The following WDR27 variants were observed in gnomAD, a reference collection of about 807,000 sequenced individuals.
WDR27 encodes the protein WD repeat-containing protein 27.
Under a neutral mutation model 114.4 loss-of-function variants are expected in WDR27, and 100 were observed. The observed-to-expected ratio is 0.87, with a 90% CI of 0.74 to 1.03. The LOEUF is 1.03. WDR27 is among the 50% of genes least tolerant of loss of function. The pLI is 0.00. For missense variants in WDR27, 1,129 were observed against 1,092.9 expected, an observed-to-expected ratio of 1.03 and a Z score of -0.47; for synonymous variants, 449 against 423.1, an observed-to-expected ratio of 1.06 and a Z score of -0.75.
At chr6:169,577,100 A>T (rs1247673342) in intron 24 of WDR27, among the ~76,000 whole-genome samples, 2 of 150,806 alleles carry the variant, frequency 1.3e-5, no homozygotes, top group African/African-American at 4.9e-5. Context: ...AAAAAAAAAG[A>T]GTTACGTGGG....
chr6:169,461,519 T>A (rs2115269981), intron 25 of WDR27, among the ~76,000 whole-genome samples: 1 of 150,884 alleles, frequency 6.6e-6, no homozygotes, highest in Admixed American at 6.6e-5. Context: ...TACCAAGGGA[T>A]CAAAGAAGAA....
chr6:169,568,436 G>A (rs1800847878), intron 25 of WDR27, among the ~76,000 whole-genome samples: 1 of 152,124 alleles, frequency 6.6e-6, no homozygotes, highest in South Asian at 2.1e-4. Context: ...AGACAGCCAT[G>A]CCCAGGGAGT....
chr6:169,457,920 C>G (rs529996653), intron 25 of WDR27, among the ~76,000 whole-genome samples: 1 of 150,022 alleles, frequency 6.7e-6, no homozygotes, highest in African/African-American at 2.5e-5. Context: ...TTAGCGCCTA[C>G]ACACCTCCTT....
At chr6:169,565,922 G>C (rs116804246) in intron 25 of WDR27, among the ~76,000 whole-genome samples, 2,464 of 152,244 alleles carry the variant, frequency 0.016, 63 homozygotes, top group African/African-American at 0.057. Flanking sequence ...GGGATTACAG[G>C]CGTGAGCCAC....
intron 23 of WDR27, among the ~76,000 whole-genome samples, chr6:169,599,654 CTTCT>C (rs1167377569): frequency 2.6e-5 from 4 of 151,976 alleles, no homozygotes; most frequent in African/African-American, 9.7e-5. Context: ...TCTCTCTTTT[CTTCT>C]TTATTAGTCC....
chr6:169,584,899 G>T (rs1454132617), intron 23 of WDR27, among the ~76,000 whole-genome samples: 1 of 152,156 alleles, frequency 6.6e-6, no homozygotes, highest in Admixed American at 6.5e-5. Context: ...CATCACACTT[G>T]ATTTAAGATT....
intron 2 of WDR27, among the ~76,000 whole-genome samples, chr6:169,678,463 T>C (rs543480699): frequency 6.6e-5 from 10 of 152,338 alleles, no homozygotes; most frequent in African/African-American, 9.6e-5. Context: ...CCTTTGTATA[T>C]TGGGAGTAAA....
At chr6:169,595,783 C>CT (rs869078317) in intron 23 of WDR27, among the ~76,000 whole-genome samples, 19 of 52,006 alleles carry the variant, frequency 3.7e-4, no homozygotes, top group Admixed American at 1.6e-3. Context: ...TTTTATACAG[C>CT]TTTATTTTTT....
At chr6:169,454,093 C>T (rs1234117069), downstream of WDR27, among the ~76,000 whole-genome samples, 2 of 152,056 alleles carry the variant, frequency 1.3e-5, no homozygotes, top group Non-Finnish European at 2.9e-5. Context: ...TTCCTAATGA[C>T]GACCTGAATC....
intron 2 of WDR27, among the ~76,000 whole-genome samples, chr6:169,679,055 C>G (rs1474478895): frequency 6.6e-6 from 1 of 151,016 alleles, no homozygotes; most frequent in Non-Finnish European, 1.5e-5. Context: ...GATCTCAGAT[C>G]TTTAGATAAA....
the WDR27 span, among the ~76,000 whole-genome samples, chr6:169,448,540 G>A: frequency 6.6e-6 from 1 of 152,156 alleles, no homozygotes; most frequent in African/African-American, 2.4e-5. Flanking sequence ...ACAGAAGCCC[G>A]AAATAGCTGT....
chr6:169,659,611 A>G lies in WDR27; in HGVS notation c.1130-93T>C, dbSNP rs1825402571. 9 of 1,207,880 alleles carry G rather than the reference A, an allele frequency of 7.5e-6. No homozygotes were observed. The highest frequency in any genetic ancestry group is 1.1e-5 in the Non-Finnish European group (9 of 842,740). 74.8% of individuals were successfully genotyped at this position (1,207,880 alleles called of 1,614,324 possible). A position where few individuals can be genotyped will look rare whatever the true frequency, so the allele number is the denominator to read the frequency against. ...GCCCAGAGCCCACCACACACAGCCC[A>G]GAGCCCACCACACACAGTCCAGGCC... On this transcript the variant is annotated intron_variant, in intron 10 of 25. Transcript: ENST00000448612. This position sits in a 1 kb window ranked among gnomAD's most constrained non-coding sequence, Gnocchi z 4.3.
At chr6:169,690,434 AGCAC>A (rs1347017271) in intron 1 of WDR27, among the ~76,000 whole-genome samples, 1 of 152,166 alleles carries the variant, frequency 6.6e-6, no homozygotes, top group African/African-American at 2.4e-5. Context: ...TTACTGCCTC[AGCAC>A]GCACACTTTA....
chr6:169,478,722 A>G (rs147405091), intron 25 of WDR27, among the ~76,000 whole-genome samples: 1 of 152,326 alleles, frequency 6.6e-6, no homozygotes, highest in African/African-American at 2.4e-5. Flanking sequence ...AGACACATAG[A>G]CCAATACAAC....
At chr6:169,512,303 A>G (rs1055093546) in intron 25 of WDR27, among the ~76,000 whole-genome samples, 2 of 152,150 alleles carry the variant, frequency 1.3e-5, no homozygotes, top group Non-Finnish European at 2.9e-5. Flanking sequence ...TCAAAAATCC[A>G]ATACTTTGAT....
chr6:169,660,309 C>T (rs1825714903), intron 10 of WDR27, among the ~76,000 whole-genome samples: 1 of 152,122 alleles, frequency 6.6e-6, no homozygotes, highest in South Asian at 2.1e-4. Context: ...GCTGTGCGAG[C>T]CTGGGGCTCT....
At chr6:169,639,020 G>A (rs552257437) in intron 17 of WDR27, among the ~76,000 whole-genome samples, 6 of 130,284 alleles carry the variant, frequency 4.6e-5, no homozygotes, top group Admixed American at 8.9e-5. Context: ...TGGATACTGC[G>A]TGGTGCTGGG....
chr6:169,464,557 A>T (rs972882487), intron 25 of WDR27, among the ~76,000 whole-genome samples: 1 of 152,210 alleles, frequency 6.6e-6, no homozygotes, highest in Admixed American at 6.5e-5. Flanking sequence ...GTTTGTGCAT[A>T]AAAAGGTACT....
At position 169,661,067 on chromosome 6, in the gene WDR27, G is replaced by A. The variant is rs986134649; in HGVS notation, c.1026-301C>T. On this transcript the variant is annotated intron_variant, in intron 9 of 25. Transcript: ENST00000448612. ...TGAGCTCTCCGCAGGAGTGGAGAGCGTGGGCCGGGGCAGGTTCTTGCCAGT... is the reference window on the plus strand; with the variant it reads ...TGAGCTCTCCGCAGGAGTGGAGAGCATGGGCCGGGGCAGGTTCTTGCCAGT... Among the ~76,000 whole-genome samples, 9 of 152,332 alleles carry A rather than the reference G, an allele frequency of 5.9e-5. No individual in the cohort carries two copies. The South Asian group carries it at 6.2e-4, about 11-fold the overall frequency.
Sources: allele counts gnomAD v4.1 joint callset (sites outside exome capture counted in the v4.1 genomes callset), GRCh38; gene constraint gnomAD v4.1.1; non-coding constraint Gnocchi (gnomAD v3.1); transcripts MANE v1.5; gene names NCBI Gene and HGNC (gene_info 2026-07-23, HGNC 2026-07-21).